The following TBR1 variants were observed in gnomAD, a reference collection of about 807,000 sequenced individuals.
TBR1 encodes T-box brain transcription factor 1.
TBR1 carries 7 observed loss-of-function variants against 60.3 expected under a neutral mutation model. The observed-to-expected ratio is 0.12, with a 90% CI of 0.07 to 0.22. The LOEUF is 0.22. Ranked by LOEUF, TBR1 falls within the 10% of genes least tolerant of loss-of-function variation. The pLI, the probability that TBR1 is intolerant of heterozygous loss-of-function variation, is 1.00. For synonymous variants in TBR1, 417 were observed against 409.9 expected (o/e 1.02, Z -0.21); for missense variants, 616 against 936.8 (o/e 0.66, Z 4.47).
chr2:161,424,032 C>A lies in TBR1; in HGVS notation c.1854C>A (p.Pro618=), dbSNP rs1217856528. 6.3e-7 allele frequency: 1 copy of A among 1,598,388 alleles called. No individual in the cohort carries two copies. Among genetic ancestry groups the A allele is most frequent in the East Asian group, 2.3e-5 (1 of 43,940 alleles). Residue 618 remains proline (P), a synonymous_variant, in exon 6 of 6, where the codon CCC becomes CCA. Coordinates refer to ENST00000389554, the MANE Select transcript of TBR1 (RefSeq NM_006593.4). The surrounding 1 kb of genome is among the most constrained non-coding windows in gnomAD (Gnocchi z 4.4). ...CCGATTCCAGCTGGATCGAGACGCC[C>A]TCCTCGATCAAGTCCATCGACTCCA... The part of the protein sequence containing the change: ...DLSDSSWIET[P]SSIKSIDSSD...
rs1415348088 is a variant in TBR1, at chr2:161,418,278, T to C, written c.925T>C (p.Leu309=). Residue 309 remains leucine, a synonymous_variant, in exon 3 of 6, where the codon TTA becomes CTA. Coordinates refer to ENST00000389554, the MANE Select transcript of TBR1 (RefSeq NM_006593.4). Reference sequence around the variant, plus strand: ...GCGCCAAGAAATCTCTTTTGGAAAATTAAAACTTACGAACAACAAAGGAGC... The same window carrying C: ...GCGCCAAGAAATCTCTTTTGGAAAACTAAAACTTACGAACAACAAAGGAGC... ...WMRQEISFGK[L]KLTNNKGASN... 6.2e-7 allele frequency: 1 copy of C among 1,613,960 alleles called. No homozygotes were observed. Among genetic ancestry groups the C allele is most frequent in the Admixed American group, 1.7e-5 (1 of 59,994 alleles).
At chr2:161,423,187 T>G in intron 5 of TBR1, 182 bp from the exon 6 acceptor site, 1 of 450,602 alleles carries the variant, frequency 2.2e-6, no homozygotes, top group Non-Finnish European at 3.8e-6. Context: ...TGATTTATTT[T>G]GGGAATGATA....
At chr2:161,419,446 T>TA (rs3835936) in intron 4 of TBR1, 11,228 of 174,422 alleles carry the variant, frequency 0.064, 477 homozygotes, top group East Asian at 0.15. Flanking sequence ...CTTTGGCATC[T>TA]AAAAAAAAAT....
chr2:161,420,155 G>C, intron 4 of TBR1, 41 bp from the exon 5 acceptor site: 2 of 1,549,106 alleles, frequency 1.3e-6, no homozygotes, highest in South Asian at 1.1e-5. Flanking sequence ...CAGTCTTCAC[G>C]TATAAAAGGT....
chr2:161,418,812 G>A lies in TBR1; in HGVS notation c.970-80G>A, dbSNP rs114701503. 5,346 of 1,512,090 alleles carry A rather than the reference G, an allele frequency of 3.5e-3. 145 individuals are homozygous for A. In the African/African-American group the frequency reaches 0.066, roughly 19 times the overall value. The allele number at this position is 1,512,090 out of a possible 1,614,324, so 93.7% of individuals were successfully genotyped here. ...AGGCTGCCTCCGCCGGCCCGGGCGC[G>A]CAGCCGGGCGCACACAGCCACGCGC... is the stretch of plus-strand genomic sequence containing the variant. On this transcript the variant is annotated intron_variant, in intron 3 of 5. Coordinates refer to ENST00000389554, the MANE Select transcript of TBR1 (RefSeq NM_006593.4).
chr2:161,419,978 A>G, intron 4 of TBR1: 2 of 363,206 alleles, frequency 5.5e-6, no homozygotes, highest in Non-Finnish European at 1.0e-5. Context: ...TTCTTTGGCT[A>G]TAGGTATCAT....
At position 161,418,812 on chromosome 2, in the gene TBR1, G is replaced by T. The variant is rs114701503; in HGVS notation, c.970-80G>T. 11 of 1,512,104 alleles carry T rather than the reference G, an allele frequency of 7.3e-6. No individual in the cohort carries two copies. The Admixed American group carries it at 2.4e-4, about 33-fold the overall frequency. The allele number at this position is 1,512,104 out of a possible 1,614,324, so 93.7% of individuals were successfully genotyped here. A position where few individuals can be genotyped will look rare whatever the true frequency, so the allele number is the denominator to read the frequency against. The stretch of plus-strand genomic sequence containing the variant: ...AGGCTGCCTCCGCCGGCCCGGGCGC[G>T]CAGCCGGGCGCACACAGCCACGCGC... On this transcript the variant is annotated intron_variant, in intron 3 of 5. Coordinates refer to ENST00000389554, the MANE Select transcript of TBR1 (RefSeq NM_006593.4).
At chr2:161,421,967 A>G (rs1007888113) in intron 5 of TBR1, 5 of 76,210 alleles carry the variant, frequency 6.6e-5, no homozygotes, top group African/African-American at 2.6e-4. Context: ...CACACACACA[A>G]ACCTGAGATT....
In TBR1 at chr2:161,416,629, C is replaced by T; in HGVS notation, c.219C>T (p.Asp73=). The change falls in exon 1 of 6, where the codon GAC becomes GAT. Residue 73 remains aspartate, a synonymous_variant. Coordinates refer to ENST00000389554, the MANE Select transcript of TBR1 (RefSeq NM_006593.4). This position sits in a 1 kb window ranked among gnomAD's most constrained non-coding sequence, Gnocchi z 6.1. The part of the protein sequence containing the change: ...SDTDNFPDSK[D]SPGDVQRSKL... The stretch of plus-strand genomic sequence containing the variant: ...CAGACAATTTTCCTGACTCCAAGGA[C>T]TCACCAGGGGACGTCCAGAGAAGTA... The T allele has an allele frequency of 6.2e-7, 1 of 1,614,174 alleles. No homozygotes were observed. Among genetic ancestry groups the T allele is most frequent in the Non-Finnish European group, 8.5e-7 (1 of 1,180,044 alleles).
chr2:161,424,494 C>T lies in TBR1; in HGVS notation c.*267C>T, dbSNP rs916018018. 1.4e-5 allele frequency: 6 copies of T among 414,612 alleles called. No homozygotes were observed. The highest frequency in any genetic ancestry group is 8.1e-5 in the Admixed American group (2 of 24,796). The allele number at this position is 414,612 out of a possible 1,614,324, so 25.7% of individuals were successfully genotyped here. ...CTTACTCTTCTTCTGTGGAGTTATC[C>T]TCCTACAATTCCCCTCCCCCTCGTC... On this transcript the variant is annotated 3_prime_UTR_variant, in exon 6 of 6. Transcript: ENST00000389554. This position sits in a 1 kb window ranked among gnomAD's most constrained non-coding sequence, Gnocchi z 4.4.
At chr2:161,419,189 CT>C in intron 4 of TBR1, 139 bp downstream of exon 4, 1 of 1,306,764 alleles carries the variant, frequency 7.7e-7, no homozygotes, top group Non-Finnish European at 1.1e-6. Context: ...CGTTTTAAGG[CT>C]TAGGGCTCGG....
intron 3 of TBR1, 28 bp from the exon 4 acceptor site, chr2:161,418,864 G>C (rs1684179555): frequency 6.3e-7 from 1 of 1,597,476 alleles, no homozygotes; most frequent in East Asian, 2.3e-5. Flanking sequence ...CACGCCACCC[G>C]GCGCTCCCCT....
Position 161,417,931 on chromosome 2 carries a change from G to A in TBR1, c.847+101G>A. The A allele has an allele frequency of 1.3e-6, 2 of 1,491,430 alleles. No individual in the cohort carries two copies. Among genetic ancestry groups the A allele is most frequent in the Non-Finnish European group, 1.8e-6 (2 of 1,120,246 alleles). 92.4% of individuals were successfully genotyped at this position (1,491,430 alleles called of 1,614,324 possible). A position where few individuals can be genotyped will look rare whatever the true frequency, so the allele number is the denominator to read the frequency against. ...GCTCGAGCGACTTTTAAAACGATCGGCCAATGACTTCTAAAAGGAAACGAG... is the reference window on the plus strand; with the variant it reads ...GCTCGAGCGACTTTTAAAACGATCGACCAATGACTTCTAAAAGGAAACGAG... On this transcript the variant is annotated intron_variant, in intron 2 of 5. Transcript: ENST00000389554. This position sits in a 1 kb window ranked among gnomAD's most constrained non-coding sequence, Gnocchi z 5.3.
At chr2:161,422,896 TA>T in intron 5 of TBR1, 1 of 153,158 alleles carries the variant, frequency 6.5e-6, no homozygotes. Flanking sequence ...CAGGAGGTCT[TA>T]AAAGGGTGGA....
chr2:161,417,340 GA>G lies in TBR1; in HGVS notation c.692+243del. The G allele has an allele frequency of 1.7e-6, 1 of 578,386 alleles. No individual in the cohort carries two copies. The highest frequency in any genetic ancestry group is 3.0e-6 in the Non-Finnish European group (1 of 334,550). The allele number at this position is 578,386 out of a possible 1,614,324, so 35.8% of individuals were successfully genotyped here. On this transcript the variant is annotated intron_variant, in intron 1 of 5. Coordinates refer to ENST00000389554, the MANE Select transcript of TBR1 (RefSeq NM_006593.4). This position sits in a 1 kb window ranked among gnomAD's most constrained non-coding sequence, Gnocchi z 5.3. ...CCAGTCAGTGGCCAGAGGAAGGCAA[GA>G]AAAAGGAAGAGCCCTGGCCAGCGGC... is the stretch of plus-strand genomic sequence containing the variant.
At position 161,417,596 on chromosome 2, in the gene TBR1, G is replaced by T. The variant is rs1342951273; in HGVS notation, c.693-80G>T. 36 of 1,515,954 alleles carry T rather than the reference G, an allele frequency of 2.4e-5. No homozygotes were observed. The highest frequency in any genetic ancestry group is 2.8e-5 in the Non-Finnish European group (32 of 1,126,928). 93.9% of individuals were successfully genotyped at this position (1,515,954 alleles called of 1,614,324 possible). A position where few individuals can be genotyped will look rare whatever the true frequency, so the allele number is the denominator to read the frequency against. Reference sequence around the variant, plus strand: ...TACAAGTTTTGCTTTGCTAACTGGCGCCCCGCTTCTTGCATTTAATCTTTA... The same window carrying T: ...TACAAGTTTTGCTTTGCTAACTGGCTCCCCGCTTCTTGCATTTAATCTTTA... On this transcript the variant is annotated intron_variant, in intron 1 of 5. Transcript: ENST00000389554. This position sits in a 1 kb window ranked among gnomAD's most constrained non-coding sequence, Gnocchi z 5.3.
Position 161,417,896 on chromosome 2 carries a change from T to G in TBR1, c.847+66T>G. 6 of 1,566,774 alleles carry G rather than the reference T, an allele frequency of 3.8e-6. No individual in the cohort carries two copies. The highest frequency in any genetic ancestry group is 5.2e-6 in the Non-Finnish European group (6 of 1,154,988). ...AGGTGAGAATGATTAATTAAAGCCT[T>G]TGTGGACTGGCTCGAGCGACTTTTA... On this transcript the variant is annotated intron_variant, in intron 2 of 5. Coordinates refer to ENST00000389554, the MANE Select transcript of TBR1 (RefSeq NM_006593.4). The surrounding 1 kb of genome is among the most constrained non-coding windows in gnomAD (Gnocchi z 5.3).
Position 161,417,645 on chromosome 2 carries a change from GT to G in TBR1, c.693-27del. On this transcript the variant is annotated intron_variant, in intron 1 of 5. Transcript: ENST00000389554. The surrounding 1 kb of genome is among the most constrained non-coding windows in gnomAD (Gnocchi z 5.3). ...TAACATTTATGTTTCTTTTTTCCTT[GT>G]TTTCTCCCCCCACCCCTTAATTTAA... 6.3e-7 allele frequency: 1 copy of G among 1,576,272 alleles called. No individual in the cohort carries two copies. The highest frequency in any genetic ancestry group is 8.6e-7 in the Non-Finnish European group (1 of 1,164,082).
chr2:161,421,814 G>C (rs1014257010), intron 5 of TBR1: 1 of 152,040 alleles, frequency 6.6e-6, no homozygotes, highest in African/African-American at 2.4e-5. Flanking sequence ...TAAACAGAAC[G>C]GACCTGAGCA....
Sources: allele counts gnomAD v4.1 joint callset, GRCh38; gene constraint gnomAD v4.1.1; non-coding constraint Gnocchi (gnomAD v3.1); transcripts MANE v1.5; gene names NCBI Gene and HGNC (gene_info 2026-07-23, HGNC 2026-07-21).